The following ADAMTS2 variants were observed in gnomAD, a reference collection of about 807,000 sequenced individuals.
ADAMTS2 encodes the protein A disintegrin and metalloproteinase with thrombospondin motifs 2.
In ADAMTS2, 50 loss-of-function variants were observed where a neutral mutation model predicts 123.0. The ratio of observed to expected loss-of-function variants is 0.41; its 90% CI spans 0.32 to 0.51. ADAMTS2 has a LOEUF of 0.51. Ranked by LOEUF, ADAMTS2 falls within the 20% of genes least tolerant of loss-of-function variation. The pLI, the probability that ADAMTS2 is intolerant of heterozygous loss-of-function variation, is 0.35. For synonymous variants in ADAMTS2, 678 were observed against 695.4 expected, an observed-to-expected ratio of 0.98 and a Z score of 0.39; for missense variants, 1,494 against 1,705.2, an observed-to-expected ratio of 0.88 and a Z score of 2.18.
intron 2 of ADAMTS2, among the ~76,000 whole-genome samples, chr5:179,330,883 C>T (rs138113367): frequency 4.1e-3 from 630 of 152,300 alleles, no homozygotes; most frequent in Middle Eastern, 6.8e-3. Flanking sequence ...CTAGAAAATG[C>T]ACCAAGAACT....
intron 3 of ADAMTS2, among the ~76,000 whole-genome samples, chr5:179,259,043 A>G (rs1581226161): frequency 6.6e-6 from 1 of 151,412 alleles, no homozygotes; most frequent in Non-Finnish European, 1.5e-5. Flanking sequence ...TTCCGTGCTC[A>G]CCCTCCTCGG....
At chr5:179,138,160 A>C (rs1414856327) in intron 11 of ADAMTS2, among the ~76,000 whole-genome samples, 1 of 152,198 alleles carries the variant, frequency 6.6e-6, no homozygotes, top group Admixed American at 6.5e-5. Flanking sequence ...TTGAAAGGAC[A>C]GGACAGGATG....
At chr5:179,218,583 C>T (rs1765054493) in intron 3 of ADAMTS2, among the ~76,000 whole-genome samples, 1 of 152,218 alleles carries the variant, frequency 6.6e-6, no homozygotes, top group African/African-American at 2.4e-5. Context: ...TTAATTTTTG[C>T]AACTTCAACA....
In ADAMTS2 at chr5:179,154,071, G is replaced by C; in HGVS notation, c.1360C>G (p.Gln454Glu). The C allele has an allele frequency of 6.2e-7, 1 of 1,604,146 alleles. No individual in the cohort carries two copies. Among genetic ancestry groups the C allele is most frequent in the Non-Finnish European group, 8.5e-7 (1 of 1,178,036 alleles). ...CACTGCAGGTAGCGGCTCAGCTCCT[G>C]CTGGCTGCAGCGGGACCAGTGGAAG... ...HRFHWSRCSQQELSRYLHSYD... is the reference protein window; with the variant it reads ...HRFHWSRCSQEELSRYLHSYD... The change falls in exon 8 of 22, where the codon CAG becomes GAG. Residue 454 changes from glutamine (Q) to glutamate (E), a missense_variant. Coordinates refer to ENST00000251582, the MANE Select transcript of ADAMTS2 (RefSeq NM_014244.5).
At chr5:179,116,781 T>A (rs1220105546) in intron 21 of ADAMTS2, among the ~76,000 whole-genome samples, 2 of 152,210 alleles carry the variant, frequency 1.3e-5, no homozygotes, top group African/African-American at 4.8e-5. Flanking sequence ...GGTGCCCGAC[T>A]TCGGCCCTGA....
At chr5:179,157,794 G>A (rs1763506432) in intron 6 of ADAMTS2, among the ~76,000 whole-genome samples, 1 of 152,148 alleles carries the variant, frequency 6.6e-6, no homozygotes, top group African/African-American at 2.4e-5. Flanking sequence ...TGACTGGATT[G>A]TCTTTATTAT....
At chr5:179,137,714 C>A in intron 12 of ADAMTS2, 55 bp downstream of exon 12, 1 of 1,297,872 alleles carries the variant, frequency 7.7e-7, no homozygotes, top group Non-Finnish European at 1.1e-6. Flanking sequence ...CCCCACCCTG[C>A]CCACCCTAGG....
At chr5:179,207,849 AG>A in intron 3 of ADAMTS2, 134 bp from the exon 4 acceptor site, 1 of 806,244 alleles carries the variant, frequency 1.2e-6, no homozygotes, top group East Asian at 2.7e-5. Context: ...CATTTTACAG[AG>A]GAAAGCGAGG....
intron 2 of ADAMTS2, among the ~76,000 whole-genome samples, chr5:179,292,848 G>C (rs1366184105): frequency 6.6e-6 from 1 of 152,168 alleles, no homozygotes; most frequent in East Asian, 1.9e-4. Context: ...GCCCTCCAAG[G>C]TACCCCATTT....
rs768411821 is a variant in ADAMTS2, at chr5:179,155,143, G to A, written c.1133-224C>T. 6.6e-5 allele frequency among the ~76,000 whole-genome samples: 10 copies of A among 152,216 alleles called. No individual in the cohort carries two copies. Among genetic ancestry groups the A allele is most frequent in the Non-Finnish European group, 1.0e-4 (7 of 68,034 alleles). On this transcript the variant is annotated intron_variant, in intron 6 of 21. Transcript: ENST00000251582. The surrounding 1 kb of genome is among the most constrained non-coding windows in gnomAD (Gnocchi z 5.1). Reference sequence around the variant, plus strand: ...CCCAGCCCGTCACCACACAAGCCCCGTGGCCGTTCTGCCTGTAACAGCCAC... The same window carrying A: ...CCCAGCCCGTCACCACACAAGCCCCATGGCCGTTCTGCCTGTAACAGCCAC...
rs956127839 is a variant in ADAMTS2 at position 179,117,980 on chromosome 5, C to G, written c.3179-3656G>C. Among the ~76,000 whole-genome samples the G allele has an allele frequency of 1.3e-5, 2 of 152,156 alleles. No homozygotes were observed. The highest frequency in any genetic ancestry group is 2.9e-5 in the Non-Finnish European group (2 of 68,030). ...TGACTGATCGTGGGTCAAGTGCACGCCTAGGTCAGAGCCATGCACGAGAAA... is the reference window on the plus strand; with the variant it reads ...TGACTGATCGTGGGTCAAGTGCACGGCTAGGTCAGAGCCATGCACGAGAAA... On this transcript the variant is annotated intron_variant, in intron 21 of 21. Coordinates refer to ENST00000251582, the MANE Select transcript of ADAMTS2 (RefSeq NM_014244.5). The surrounding 1 kb of genome is among the most constrained non-coding windows in gnomAD (Gnocchi z 4.2).
At chr5:179,279,596 G>A (rs540293734) in intron 2 of ADAMTS2, among the ~76,000 whole-genome samples, 2 of 152,208 alleles carry the variant, frequency 1.3e-5, no homozygotes, top group Admixed American at 6.5e-5. Flanking sequence ...GAGCCTGCTC[G>A]GGCACTCTCT....
chr5:179,199,538 T>C (rs987016050), intron 4 of ADAMTS2, among the ~76,000 whole-genome samples: 4 of 152,074 alleles, frequency 2.6e-5, no homozygotes, highest in Non-Finnish European at 5.9e-5. Context: ...TGGCTCTACT[T>C]CCCCAGACGC....
intron 17 of ADAMTS2, 151 bp downstream of exon 17, chr5:179,127,808 T>A: frequency 8.3e-5 from 53 of 639,776 alleles, no homozygotes; most frequent in Non-Finnish European, 8.5e-5. Context: ...CACCGGCCCC[T>A]CCATTGCCGC....
At chr5:179,133,394 A>G (rs1216042294) in intron 13 of ADAMTS2, among the ~76,000 whole-genome samples, 1 of 151,918 alleles carries the variant, frequency 6.6e-6, no homozygotes, top group Non-Finnish European at 1.5e-5. Flanking sequence ...CAGCCTCCCG[A>G]GTAGCTGGGA....
Position 179,225,806 on chromosome 5 carries a change from T to C in ADAMTS2, c.689-18091A>G, listed in dbSNP as rs1042327265. On this transcript the variant is annotated intron_variant, in intron 3 of 21. Transcript: ENST00000251582. The surrounding 1 kb of genome is among the most constrained non-coding windows in gnomAD (Gnocchi z 4.5). ...CCACTCAATAAAACCTCGCACTCAT[T>C]CTCCAAGCCCACGTGTGATCTGATT... 6.6e-6 allele frequency among the ~76,000 whole-genome samples: 1 copy of C among 151,998 alleles called. No homozygotes were observed. The highest frequency in any genetic ancestry group is 2.4e-5 in the African/African-American group (1 of 41,384).
At chr5:179,168,397 G>A (rs933267640) in intron 5 of ADAMTS2, among the ~76,000 whole-genome samples, 1 of 152,194 alleles carries the variant, frequency 6.6e-6, no homozygotes, top group African/African-American at 2.4e-5. Context: ...TCCCAGAGCA[G>A]AGTGGCTCCA....
intron 2 of ADAMTS2, among the ~76,000 whole-genome samples, chr5:179,343,503 G>A (rs1757840838): frequency 6.6e-6 from 1 of 152,208 alleles, no homozygotes; most frequent in African/African-American, 2.4e-5. Context: ...GCAGGCAAAA[G>A]AGAGAGGCGC....
In ADAMTS2 at chr5:179,301,663, G is replaced by C. The variant is rs78184195; in HGVS notation, c.535-28599C>G. Among the ~76,000 whole-genome samples, 83 of 152,388 alleles carry C rather than the reference G, an allele frequency of 5.4e-4. 1 individual carries two copies. The East Asian group carries it at 0.015, about 28-fold the overall frequency. ...GCAGCACCTGAGTAACTGGGGGAGA[G>C]AAGTGGGTTTCAAGCATCTCCTTTG... On this transcript the variant is annotated intron_variant, in intron 2 of 21. Transcript: ENST00000251582.
Sources: gnomAD v4.1 joint callset for allele counts (sites outside exome capture counted in the v4.1 genomes callset) on GRCh38, gnomAD v4.1.1 for gene constraint, Gnocchi (gnomAD v3.1) non-coding constraint, MANE v1.5 for transcripts, NCBI Gene and HGNC (gene_info 2026-07-23, HGNC 2026-07-21) for gene names.